ADAM29: variants seen among roughly 807,000 people sequenced by gnomAD.
The protein encoded by ADAM29 is ADAM metallopeptidase domain 29.
For synonymous variants in ADAM29, 367 were observed against 342.3 expected (o/e 1.07, Z -0.80); for missense variants, 969 against 1,001.8 (o/e 0.97, Z 0.44).
intron 4 of ADAM29, among the ~76,000 whole-genome samples, chr4:174,965,110 A>T (rs1233361888): frequency 6.6e-6 from 1 of 152,126 alleles, no homozygotes; most frequent in Non-Finnish European, 1.5e-5. Flanking sequence ...AGAATACTTG[A>T]GGCTGGATAA....
At chr4:174,973,405 C>T (rs554880888) in intron 4 of ADAM29, among the ~76,000 whole-genome samples, 2 of 152,274 alleles carry the variant, frequency 1.3e-5, no homozygotes, top group African/African-American at 4.8e-5. Context: ...ACTTTGGTAA[C>T]TCTGATTTTT....
intron 4 of ADAM29, among the ~76,000 whole-genome samples, chr4:174,963,455 G>A (rs893932522): frequency 6.6e-6 from 1 of 151,868 alleles, no homozygotes; most frequent in Admixed American, 6.6e-5. Context: ...GAGATTCAGT[G>A]GTAAAATGAC....
chr4:174,919,148 G>GT (rs1743032492), intron 1 of ADAM29, among the ~76,000 whole-genome samples: 1 of 152,054 alleles, frequency 6.6e-6, no homozygotes, highest in Non-Finnish European at 1.5e-5. Context: ...CTAATTACTT[G>GT]TTTTATCTCT....
At chr4:174,965,485 A>C (rs1418045736) in intron 4 of ADAM29, among the ~76,000 whole-genome samples, 2 of 22,668 alleles carry the variant, frequency 8.8e-5, no homozygotes, top group Admixed American at 6.7e-4. Context: ...TCTATCTATC[A>C]TCTATCTATC....
chr4:174,925,569 T>C (rs1028118521), intron 2 of ADAM29, among the ~76,000 whole-genome samples: 6 of 152,324 alleles, frequency 3.9e-5, no homozygotes, highest in Middle Eastern at 3.4e-3. Flanking sequence ...CTTTAAACTA[T>C]GCAGTTTTCC....
At chr4:174,964,086 A>C (rs1050710834) in intron 4 of ADAM29, among the ~76,000 whole-genome samples, 5 of 152,070 alleles carry the variant, frequency 3.3e-5, no homozygotes. Context: ...AGGATAATAA[A>C]ATTTTTTTTC....
intron 4 of ADAM29, among the ~76,000 whole-genome samples, chr4:174,944,838 A>G (rs1006808908): frequency 4.6e-5 from 7 of 152,142 alleles, no homozygotes; most frequent in Non-Finnish European, 8.8e-5. Context: ...AGCTCTGCCT[A>G]TGTGTTCTCA....
chr4:174,963,372 TA>T (rs1180873412), intron 4 of ADAM29, among the ~76,000 whole-genome samples: 2 of 152,150 alleles, frequency 1.3e-5, no homozygotes, highest in African/African-American at 4.8e-5. Context: ...TAAATTTATA[TA>T]AAGGAAACAC....
chr4:174,947,222 A>G (rs1194130805), intron 4 of ADAM29, among the ~76,000 whole-genome samples: 2 of 151,572 alleles, frequency 1.3e-5, no homozygotes, highest in Non-Finnish European at 2.9e-5. Flanking sequence ...TGATCTTTTT[A>G]TGGTTTCATG....
At position 174,962,511 on chromosome 4, in the gene ADAM29, CAAAAAA is replaced by C. The variant is rs578109941; in HGVS notation, c.-180-12823_-180-12818del. Among the ~76,000 whole-genome samples the C allele has an allele frequency of 6.3e-5, 4 of 63,570 alleles. No homozygotes were observed. In the Admixed American group the frequency reaches 7.2e-4, roughly 11 times the overall value. The allele number at this position is 63,570 out of a possible 152,430, so 41.7% of individuals were successfully genotyped here. On this transcript the variant is annotated intron_variant, in intron 4 of 4. Coordinates refer to ENST00000359240, the MANE Select transcript of ADAM29 (RefSeq NM_014269.4). ...TGGGCGACAGAGCGAGACTCCGTCA[CAAAAAA>C]AAAAAAAAAAAGATTTACAGAGTAG...
At chr4:174,930,222 T>C (rs1043469372) in intron 2 of ADAM29, among the ~76,000 whole-genome samples, 2 of 152,052 alleles carry the variant, frequency 1.3e-5, no homozygotes, top group African/African-American at 4.8e-5. Flanking sequence ...GAGCCACCGC[T>C]CCCAGCCTCT....
intron 4 of ADAM29, among the ~76,000 whole-genome samples, chr4:174,968,141 C>T (rs2111089357): frequency 6.6e-6 from 1 of 152,240 alleles, no homozygotes; most frequent in East Asian, 1.9e-4. Flanking sequence ...ACACCATGAG[C>T]TAGATCTGAA....
chr4:174,924,014 G>A (rs1252681726), intron 2 of ADAM29: 1 of 152,186 alleles, frequency 6.6e-6, no homozygotes, highest in Non-Finnish European at 1.5e-5. Context: ...GTGAGAAGAA[G>A]GCAGTTGTCT....
chr4:174,975,509 T>G lies in ADAM29; in HGVS notation c.-17T>G. On this transcript the variant is annotated 5_prime_UTR_variant, in exon 5 of 5. It adds an upstream start codon to the 5' untranslated region. Coordinates refer to ENST00000359240, the MANE Select transcript of ADAM29 (RefSeq NM_014269.4). ...ACAGGGACTTCAAAATCACTGTGAT[T>G]TGAAGCCTTTTTGAACATGAAGATG... 2.0e-6 allele frequency: 3 copies of G among 1,497,710 alleles called. No homozygotes were observed. Among genetic ancestry groups the G allele is most frequent in the Non-Finnish European group, 2.7e-6 (3 of 1,123,096 alleles). The allele number at this position is 1,497,710 out of a possible 1,614,324, so 92.8% of individuals were successfully genotyped here. A position where few individuals can be genotyped will look rare whatever the true frequency, so the allele number is the denominator to read the frequency against.
At chr4:174,974,894 C>A (rs1746669444) in intron 4 of ADAM29, among the ~76,000 whole-genome samples, 1 of 152,070 alleles carries the variant, frequency 6.6e-6, no homozygotes. Context: ...TTAAAAATGT[C>A]TCTTAGATAA....
intron 4 of ADAM29, among the ~76,000 whole-genome samples, chr4:174,965,080 C>A (rs1263083196): frequency 6.6e-6 from 1 of 152,184 alleles, no homozygotes; most frequent in Non-Finnish European, 1.5e-5. Context: ...ATATATTAGT[C>A]TTTTTAGTGT....
intron 4 of ADAM29, among the ~76,000 whole-genome samples, chr4:174,939,419 T>TAGGACAGAAAAATG (rs1174004223): frequency 1.4e-4 from 22 of 152,080 alleles, no homozygotes; most frequent in African/African-American, 5.3e-4. Flanking sequence ...ATTCTGAAAA[T>TAGGACAGAAAAATG]AGGACAGAAA....
intron 4 of ADAM29, among the ~76,000 whole-genome samples, chr4:174,970,461 G>A (rs1028018583): frequency 2.6e-5 from 4 of 152,074 alleles, no homozygotes; most frequent in Admixed American, 2.6e-4. Flanking sequence ...CTTGAAAATT[G>A]AAGGAATAAG....
At chr4:174,925,084 C>A (rs900891700) in intron 2 of ADAM29, among the ~76,000 whole-genome samples, 1 of 152,160 alleles carries the variant, frequency 6.6e-6, no homozygotes, top group Non-Finnish European at 1.5e-5. Context: ...TCCCAGTACT[C>A]CTCAAGATTG....
Sources: allele counts gnomAD v4.1 joint callset (sites outside exome capture counted in the v4.1 genomes callset), GRCh38; gene constraint gnomAD v4.1.1; transcripts MANE v1.5; gene names NCBI Gene and HGNC (gene_info 2026-07-23, HGNC 2026-07-21).